CPNE5: variants seen among roughly 807,000 people sequenced by gnomAD.
CPNE5 encodes the protein copine 5, also known as copine-5.
A neutral mutation model predicts 81.1 loss-of-function variants in CPNE5; 42 were observed. The observed-to-expected ratio is 0.52, with a 90% CI of 0.40 to 0.67. The LOEUF (loss-of-function observed/expected upper bound fraction) is 0.67. Ranked by LOEUF, CPNE5 falls within the 30% of genes least tolerant of loss-of-function variation. The probability of loss-of-function intolerance (pLI) is 0.00; values close to 1 mark genes in which losing one functional copy is unlikely to be tolerated. For synonymous variants in CPNE5, 313 were observed against 321.5 expected (o/e 0.97, Z 0.28); for missense variants, 612 against 815.5 (o/e 0.75, Z 3.04).
At chr6:36,767,468 C>T (rs190954680) in intron 10 of CPNE5, among the ~76,000 whole-genome samples, 184 of 152,320 alleles carry the variant, frequency 1.2e-3, no homozygotes, top group Non-Finnish European at 1.7e-3. Context: ...AGACCAAGGC[C>T]CTGACTCCCA....
chr6:36,787,559 G>A (rs536366147), intron 8 of CPNE5, among the ~76,000 whole-genome samples: 3 of 152,154 alleles, frequency 2.0e-5, no homozygotes, highest in South Asian at 2.1e-4. Context: ...AAGAAGAGGC[G>A]CTGGATCTGC....
At chr6:36,778,788 C>T (rs966990131) in intron 9 of CPNE5, 66 bp downstream of exon 9, 2 of 1,100,364 alleles carry the variant, frequency 1.8e-6, no homozygotes, top group African/African-American at 3.1e-5. Flanking sequence ...GTCACCACCA[C>T]CCGTCCGTCC....
chr6:36,748,069 T>C (rs1764381413), intron 15 of CPNE5, 152 bp downstream of exon 15: 1 of 745,502 alleles, frequency 1.3e-6, no homozygotes, highest in South Asian at 1.6e-5. Flanking sequence ...GCCATCTTGG[T>C]TGTATCTTTG....
Position 36,741,161 on chromosome 6 carries a change from G to A in CPNE5, c.*1107C>T, listed in dbSNP as rs1763566912. ...TGGGATGAGACAGGGTGACCCAAAAGCCAAGGCGGCCTCAAGTAGGGTCAC... is the reference window on the plus strand; with the variant it reads ...TGGGATGAGACAGGGTGACCCAAAAACCAAGGCGGCCTCAAGTAGGGTCAC... On this transcript the variant is annotated 3_prime_UTR_variant, in exon 21 of 21. Transcript: ENST00000244751. The A allele has an allele frequency of 6.6e-6, 1 of 152,252 alleles. No homozygotes were observed. The highest frequency in any genetic ancestry group is 2.4e-5 in the African/African-American group (1 of 41,460). 9.4% of individuals were successfully genotyped at this position (152,252 alleles called of 1,614,324 possible).
At chr6:36,743,537 C>T (rs1763765782) in intron 20 of CPNE5, 152 bp downstream of exon 20, 1 of 754,128 alleles carries the variant, frequency 1.3e-6, no homozygotes, top group Non-Finnish European at 2.3e-6. Context: ...GGACTGACTC[C>T]TACTCCCTTC....
At chr6:36,799,349 A>T (rs1232703036) in intron 4 of CPNE5, among the ~76,000 whole-genome samples, 3 of 152,028 alleles carry the variant, frequency 2.0e-5, no homozygotes, top group African/African-American at 7.2e-5. Flanking sequence ...CTAAGATCCC[A>T]AACCCCCTTC....
At chr6:36,786,446 A>G (rs1768559317) in intron 8 of CPNE5, among the ~76,000 whole-genome samples, 1 of 152,188 alleles carries the variant, frequency 6.6e-6, no homozygotes. Flanking sequence ...CTGACTTCCC[A>G]AACAATCCAA....
chr6:36,810,948 C>T (rs1467169580), intron 3 of CPNE5, among the ~76,000 whole-genome samples: 4 of 152,196 alleles, frequency 2.6e-5, no homozygotes, highest in Admixed American at 2.6e-4. Context: ...AGAGAAGCCT[C>T]CCTATCTCGC....
At chr6:36,824,425 C>A (rs997575601) in intron 1 of CPNE5, among the ~76,000 whole-genome samples, 1 of 121,616 alleles carries the variant, frequency 8.2e-6, no homozygotes, top group Non-Finnish European at 1.9e-5. Flanking sequence ...CCAGACAAGC[C>A]CTTCCTGCCT....
intron 5 of CPNE5, 71 bp from the exon 6 acceptor site, chr6:36,798,312 C>A (rs1769778879): frequency 3.3e-6 from 5 of 1,537,212 alleles, no homozygotes; most frequent in Non-Finnish European, 4.5e-6. Flanking sequence ...TCCCCCATCG[C>A]CCAATTCCTG....
At chr6:36,825,330 C>T (rs1373158499) in intron 1 of CPNE5, among the ~76,000 whole-genome samples, 1 of 152,174 alleles carries the variant, frequency 6.6e-6, no homozygotes, top group Non-Finnish European at 1.5e-5. Context: ...AGCTCCAGTC[C>T]CTGAGCAGAT....
At position 36,822,138 on chromosome 6, in the gene CPNE5, C is replaced by G; in HGVS notation, c.159G>C (p.Gly53=). ...SDPLCVMYTQ[G]MENKQWREFG... Reference sequence around the variant, plus strand: ...CCTCCCGCCACTGCTTGTTCTCCATCCCTTGGGTATACATGACGCACACTG... The same window carrying G: ...CCTCCCGCCACTGCTTGTTCTCCATGCCTTGGGTATACATGACGCACACTG... Residue 53 remains glycine, a synonymous_variant, in exon 3 of 21, where the codon GGG becomes GGC. Transcript: ENST00000244751. 1 of 1,537,978 alleles carries G rather than the reference C, an allele frequency of 6.5e-7. No homozygotes were observed. The highest frequency in any genetic ancestry group is 1.7e-4 in the Middle Eastern group (1 of 5,924).
upstream of CPNE5, chr6:36,839,495 G>A (rs1431493098): frequency 4.4e-5 from 34 of 766,766 alleles, no homozygotes; most frequent in Admixed American, 1.0e-3. The surrounding 1 kb of genome is among the most constrained non-coding windows in gnomAD (Gnocchi z 7.3). Context: ...GCGGCAAGGG[G>A]AGGAGAGAGG....
In CPNE5 at chr6:36,746,147, C is replaced by A. The variant is rs1043795915; in HGVS notation, c.1200+249G>T. Reference sequence around the variant, plus strand: ...CACAGCTCGCCTCCACCTGCACCTGCGTCTTGTCAGGAACAAGGAAGCCAG... The same window carrying A: ...CACAGCTCGCCTCCACCTGCACCTGAGTCTTGTCAGGAACAAGGAAGCCAG... On this transcript the variant is annotated intron_variant, in intron 16 of 20. Transcript: ENST00000244751. The surrounding 1 kb of genome is among the most constrained non-coding windows in gnomAD (Gnocchi z 4.5). 7.1e-6 allele frequency: 7 copies of A among 985,132 alleles called. No homozygotes were observed. The highest frequency in any genetic ancestry group is 8.4e-6 in the Non-Finnish European group (7 of 829,798). 61.0% of individuals were successfully genotyped at this position (985,132 alleles called of 1,614,324 possible). A position where few individuals can be genotyped will look rare whatever the true frequency, so the allele number is the denominator to read the frequency against.
chr6:36,755,435 A>G (rs747255874), intron 13 of CPNE5: 1 of 152,148 alleles, frequency 6.6e-6, no homozygotes, highest in Non-Finnish European at 1.5e-5. Context: ...AGTATCCTCA[A>G]TACTTCCTCC....
intron 8 of CPNE5, among the ~76,000 whole-genome samples, chr6:36,789,815 C>T (rs931400021): frequency 6.6e-6 from 1 of 152,148 alleles, no homozygotes; most frequent in Non-Finnish European, 1.5e-5. Context: ...CCTACTGCAC[C>T]CCGAGTCCTG....
intron 10 of CPNE5, among the ~76,000 whole-genome samples, chr6:36,771,535 CTT>C (rs2150439686): frequency 6.6e-6 from 1 of 152,334 alleles, no homozygotes; most frequent in Non-Finnish European, 1.5e-5. Flanking sequence ...CTATAGGAGT[CTT>C]TGCTATTATC....
intron 14 of CPNE5, among the ~76,000 whole-genome samples, chr6:36,749,447 G>A (rs1201038366): frequency 2.0e-5 from 3 of 152,098 alleles, no homozygotes; most frequent in Non-Finnish European, 4.4e-5. Context: ...TTAGTATTAA[G>A]GAATTGTTAA....
chr6:36,743,791 G>A lies in CPNE5; in HGVS notation c.1490-29C>T, dbSNP rs746003274. On this transcript the variant is annotated intron_variant, in intron 19 of 20. Coordinates refer to ENST00000244751, the MANE Select transcript of CPNE5 (RefSeq NM_020939.2). ...TGAGGGGAGGAGTGTCATGGGGCGG[G>A]GTGAGATTAACGGTGGACCCCTGGC... is the stretch of plus-strand genomic sequence containing the variant. 52 of 1,596,042 alleles carry A rather than the reference G, an allele frequency of 3.3e-5. No individual in the cohort carries two copies. The Admixed American group carries it at 3.3e-4, about 10-fold the overall frequency.
Sources: allele counts gnomAD v4.1 joint callset (sites outside exome capture counted in the v4.1 genomes callset), GRCh38; gene constraint gnomAD v4.1.1; non-coding constraint Gnocchi (gnomAD v3.1); transcripts MANE v1.5; gene names NCBI Gene and HGNC (gene_info 2026-07-23, HGNC 2026-07-21).